KCND3: variants seen among roughly 807,000 people sequenced by gnomAD.
KCND3 encodes potassium voltage-gated channel subfamily D member 3, also known as A-type voltage-gated potassium channel KCND3.
Under a neutral mutation model 51.1 loss-of-function variants are expected in KCND3, and 9 were observed. That is an observed-to-expected ratio of 0.18 (90% confidence interval 0.11 to 0.31). KCND3 has a LOEUF of 0.31. Ranked by LOEUF, KCND3 falls within the 10% of genes least tolerant of loss-of-function variation. The pLI, the probability that KCND3 is intolerant of heterozygous loss-of-function variation, is 1.00. For synonymous variants in KCND3, 349 were observed against 368.0 expected (o/e 0.95, Z 0.59); for missense variants, 526 against 903.8 (o/e 0.58, Z 5.36).
intron 1 of KCND3, among the ~76,000 whole-genome samples, 109 bp downstream of exon 1, chr1:111,989,396 C>T (rs1057119834): frequency 2.0e-5 from 3 of 152,098 alleles, no homozygotes; most frequent in Non-Finnish European, 4.4e-5. Flanking sequence ...CGCCCACCCA[C>T]CCGGGCGCGG....
chr1:111,908,872 A>T (rs958732281), intron 2 of KCND3, among the ~76,000 whole-genome samples: 1 of 151,662 alleles, frequency 6.6e-6, no homozygotes, highest in Non-Finnish European at 1.5e-5. Context: ...AGGAATAAAT[A>T]AAACTAAAGC....
intron 2 of KCND3, among the ~76,000 whole-genome samples, chr1:111,915,621 T>C (rs959839093): frequency 2.4e-4 from 37 of 151,184 alleles, no homozygotes; most frequent in African/African-American, 7.8e-4. Flanking sequence ...GGCGTGGTGG[T>C]GGGCGCCTGT....
At chr1:111,856,122 C>A (rs1668052738) in intron 2 of KCND3, among the ~76,000 whole-genome samples, 1 of 152,228 alleles carries the variant, frequency 6.6e-6, no homozygotes, top group South Asian at 2.1e-4. Flanking sequence ...GATGAATACC[C>A]AAGGGACTGC....
intron 2 of KCND3, among the ~76,000 whole-genome samples, chr1:111,894,359 C>T (rs891567455): frequency 1.3e-5 from 2 of 152,224 alleles, no homozygotes; most frequent in South Asian, 2.1e-4. Context: ...CCCTCAGTCA[C>T]TTTCTCAGAG....
At chr1:111,787,150 T>C (rs749635460) in intron 2 of KCND3, 44 bp from the exon 3 acceptor site, 2 of 1,599,796 alleles carry the variant, frequency 1.3e-6, no homozygotes, top group Admixed American at 3.4e-5. Flanking sequence ...AGAGGGCCAT[T>C]TGGGAAACAA....
At position 111,927,022 on chromosome 1, in the gene KCND3, C is replaced by T. The variant is rs552144459; in HGVS notation, c.1106+54599G>A. Among the ~76,000 whole-genome samples the T allele has an allele frequency of 5.3e-5, 8 of 152,338 alleles. No individual in the cohort carries two copies. In the South Asian group the frequency reaches 1.7e-3, roughly 32 times the overall value. ...GAGTACTTACTAGGGGCTGATTATG[C>T]TGCTAAGTGCTTTATGTCTATTTTT... On this transcript the variant is annotated intron_variant, in intron 2 of 7. Coordinates refer to ENST00000302127, the MANE Select transcript of KCND3 (RefSeq NM_001378969.1).
Position 111,771,997 on chromosome 1 carries a change from T to C in KCND3, c.*4080A>G, listed in dbSNP as rs1190021757. The C allele has an allele frequency of 6.6e-6, 1 of 152,162 alleles. No individual in the cohort carries two copies. Among genetic ancestry groups the C allele is most frequent in the Non-Finnish European group, 1.5e-5 (1 of 68,024 alleles). The allele number at this position is 152,162 out of a possible 1,614,324, so 9.4% of individuals were successfully genotyped here. On this transcript the variant is annotated 3_prime_UTR_variant, in exon 8 of 8. Transcript: ENST00000302127. ...CCTGGAAATCCAGGTATGAAAAATA[T>C]AAGCAAGCCTCAGAGCAGTGCAATA... is the stretch of plus-strand genomic sequence containing the variant.
intron 2 of KCND3, among the ~76,000 whole-genome samples, chr1:111,838,843 T>C (rs1667195616): frequency 6.6e-6 from 1 of 152,252 alleles, no homozygotes; most frequent in Admixed American, 6.5e-5. Context: ...GTTGTACTAT[T>C]GTCCAGATCA....
chr1:111,941,979 G>A (rs1021192197), intron 2 of KCND3, among the ~76,000 whole-genome samples: 1 of 152,120 alleles, frequency 6.6e-6, no homozygotes, highest in African/African-American at 2.4e-5. Flanking sequence ...CCTTGCACGG[G>A]GCTGCTGCTT....
At chr1:111,954,926 C>T (rs1377702139) in intron 2 of KCND3, among the ~76,000 whole-genome samples, 1 of 152,232 alleles carries the variant, frequency 6.6e-6, no homozygotes, top group Non-Finnish European at 1.5e-5. Flanking sequence ...ACTGCTAATG[C>T]CCTCAGTTTT....
chr1:111,936,645 A>AG (rs34719871), intron 2 of KCND3, among the ~76,000 whole-genome samples: 54,109 of 152,048 alleles, frequency 0.36, 9,831 homozygotes, highest in Middle Eastern at 0.41. Flanking sequence ...CACCCTGCCA[A>AG]GATCTTGGCT....
At chr1:111,852,326 G>T (rs981256566) in intron 2 of KCND3, among the ~76,000 whole-genome samples, 1 of 152,206 alleles carries the variant, frequency 6.6e-6, no homozygotes, top group Non-Finnish European at 1.5e-5. Context: ...GCAGCCTGCA[G>T]CCCTCAGCCC....
At chr1:111,897,590 G>C (rs1670183258) in intron 2 of KCND3, among the ~76,000 whole-genome samples, 1 of 152,206 alleles carries the variant, frequency 6.6e-6, no homozygotes, top group Admixed American at 6.5e-5. Context: ...CTGCCTATGT[G>C]GGGCCAGGTA....
At chr1:111,885,273 C>T (rs540179175) in intron 2 of KCND3, among the ~76,000 whole-genome samples, 8 of 152,306 alleles carry the variant, frequency 5.3e-5, no homozygotes, top group Admixed American at 2.0e-4. Context: ...AGCCTGGGCA[C>T]GTCCACGTTC....
At chr1:111,796,363 T>A (rs4839167) in intron 2 of KCND3, among the ~76,000 whole-genome samples, 26,030 of 151,588 alleles carry the variant, frequency 0.17, 2,383 homozygotes, top group Admixed American at 0.22. Flanking sequence ...AGCAAAGACA[T>A]GGAATCAACC....
chr1:111,778,343 C>G, intron 6 of KCND3, 93 bp downstream of exon 6: 1 of 1,184,308 alleles, frequency 8.4e-7, no homozygotes. Flanking sequence ...GCAGCACATG[C>G]ACAGAACCAG....
chr1:111,984,089 A>G (rs528103493), intron 1 of KCND3, among the ~76,000 whole-genome samples: 1 of 152,342 alleles, frequency 6.6e-6, no homozygotes, highest in African/African-American at 2.4e-5. Context: ...CTAACTTGGA[A>G]TTATTTGGGC....
intron 2 of KCND3, among the ~76,000 whole-genome samples, chr1:111,942,980 G>A (rs953118670): frequency 3.3e-5 from 5 of 152,144 alleles, no homozygotes; most frequent in African/African-American, 1.2e-4. Context: ...TAAAACCCAT[G>A]AATGCTGTGC....
At chr1:111,812,563 T>C (rs778531190) in intron 2 of KCND3, among the ~76,000 whole-genome samples, 2 of 152,366 alleles carry the variant, frequency 1.3e-5, no homozygotes, top group Middle Eastern at 3.4e-3. Context: ...GCTAAGCACT[T>C]TCTTCACGTG....
Sources: gnomAD v4.1 joint callset for allele counts (sites outside exome capture counted in the v4.1 genomes callset) on GRCh38, gnomAD v4.1.1 for gene constraint, MANE v1.5 for transcripts, NCBI Gene and HGNC (gene_info 2026-07-23, HGNC 2026-07-21) for gene names.